OGDH: variants seen among roughly 807,000 people sequenced by gnomAD.
OGDH encodes 2-oxoglutarate dehydrogenase complex component E1.
In OGDH, 38 loss-of-function variants were observed where a neutral mutation model predicts 116.6. That is an observed-to-expected ratio of 0.33 (90% CI 0.25 to 0.43). The LOEUF is 0.43. Among genes scored for constraint, OGDH ranks in the 20% least tolerant of loss-of-function variants. OGDH has a pLI of 1.00. For missense variants in OGDH, 825 were observed against 1,357.2 expected, an observed-to-expected ratio of 0.61 and a Z score of 6.16; for synonymous variants, 488 against 533.3, an observed-to-expected ratio of 0.92 and a Z score of 1.17.
At chr7:44,633,563 C>T (rs3801398) in intron 2 of OGDH, among the ~76,000 whole-genome samples, 47,297 of 152,040 alleles carry the variant, frequency 0.31, 8,686 homozygotes, top group Non-Finnish European at 0.41. Context: ...TCCAAGACTC[C>T]CTTGGAGGGA....
intron 14 of OGDH, 101 bp from the exon 15 acceptor site, chr7:44,696,813 C>T (rs560060155): frequency 2.7e-5 from 38 of 1,399,806 alleles, no homozygotes; most frequent in African/African-American, 7.3e-5. Context: ...CCAGAAACTA[C>T]GAGTAAAGAA....
intron 1 of OGDH, among the ~76,000 whole-genome samples, chr7:44,608,407 CA>C (rs71011978): frequency 6.7e-6 from 1 of 150,088 alleles, no homozygotes; most frequent in Admixed American, 6.6e-5. Flanking sequence ...GATCCTGTCT[CA>C]AAAAAAAAGG....
In OGDH at chr7:44,703,597, G is replaced by A. The variant is rs147704234; in HGVS notation, c.2632+1982G>A. On this transcript the variant is annotated intron_variant, in intron 20 of 22. Coordinates refer to ENST00000222673, the MANE Select transcript of OGDH (RefSeq NM_002541.4). ...TAGCTGGGCATGGTGGCGCGCACCC[G>A]TAATCCCAGCTACTCAGGATGCTGA... is the stretch of plus-strand genomic sequence containing the variant. Among the ~76,000 whole-genome samples, 28 of 151,982 alleles carry A rather than the reference G, an allele frequency of 1.8e-4. No homozygotes were observed. The East Asian group carries it at 4.6e-3, about 25-fold the overall frequency.
chr7:44,666,079 A>G (rs1017637519), intron 4 of OGDH, among the ~76,000 whole-genome samples: 6 of 152,164 alleles, frequency 3.9e-5, no homozygotes, highest in African/African-American at 1.4e-4. Context: ...TGCCTGCAGA[A>G]TGGGCTCAGA....
rs1179317065 is a variant in OGDH, at chr7:44,693,816, T to A, written c.1336-9T>A. ...GGTGCCCTCTTGCTAGGCTACATGT[T>A]CCTTGCAGATCGGCTTCACCACCGA... is the stretch of plus-strand genomic sequence containing the variant. On this transcript the variant is annotated splice_polypyrimidine_tract_variant and intron_variant, in intron 10 of 22. Coordinates refer to ENST00000222673, the MANE Select transcript of OGDH (RefSeq NM_002541.4). The A allele has an allele frequency of 6.3e-7, 1 of 1,574,880 alleles. No homozygotes were observed. Among genetic ancestry groups the A allele is most frequent in the East Asian group, 2.3e-5 (1 of 44,018 alleles).
At chr7:44,619,310 T>C (rs1211495860) in intron 1 of OGDH, among the ~76,000 whole-genome samples, 2 of 152,182 alleles carry the variant, frequency 1.3e-5, no homozygotes, top group Non-Finnish European at 2.9e-5. Flanking sequence ...GGGCTTGCGA[T>C]TGACATCGGA....
In OGDH at chr7:44,696,976, C is replaced by T. The variant is rs1166143389; in HGVS notation, c.1963C>T (p.Leu655=). ...MVKNRTVDWA[L]AEYMAFGSLL... Reference sequence around the variant, plus strand: ...GAAGAACCGGACTGTGGACTGGGCTCTAGCGGAGTACATGGCGTTTGGCTC... The same window carrying T: ...GAAGAACCGGACTGTGGACTGGGCTTTAGCGGAGTACATGGCGTTTGGCTC... Residue 655 remains leucine, a synonymous_variant, in exon 15 of 23, where the codon CTA becomes TTA. Transcript: ENST00000222673. The T allele has an allele frequency of 6.2e-7, 1 of 1,614,120 alleles. No individual in the cohort carries two copies. The highest frequency in any genetic ancestry group is 8.5e-7 in the Non-Finnish European group (1 of 1,180,050).
chr7:44,681,655 C>G, intron 9 of OGDH, 65 bp from the exon 10 acceptor site: 3 of 1,551,502 alleles, frequency 1.9e-6, no homozygotes, highest in Non-Finnish European at 8.7e-7. Flanking sequence ...TGCATTTCCT[C>G]TGTTTACCTT....
chr7:44,626,823 T>G (rs1333830299), intron 2 of OGDH, among the ~76,000 whole-genome samples: 1 of 152,070 alleles, frequency 6.6e-6, no homozygotes, highest in Non-Finnish European at 1.5e-5. Context: ...CCTCCCTGCT[T>G]GTAGAGGGGA....
chr7:44,675,397 T>C, intron 8 of OGDH, 129 bp downstream of exon 8: 1 of 778,832 alleles, frequency 1.3e-6, no homozygotes, highest in Non-Finnish European at 2.2e-6. Context: ...GCCTTCCTTG[T>C]TGGGAGAATT....
In OGDH at chr7:44,644,283, G is replaced by C. The variant is rs112021761; in HGVS notation, c.223-1044G>C. 2.6e-4 allele frequency among the ~76,000 whole-genome samples: 39 copies of C among 152,302 alleles called. 1 individual carries two copies. Among genetic ancestry groups the C allele is most frequent in the African/African-American group, 9.1e-4 (38 of 41,560 alleles). ...ACTTTTGTGAAGTCTTAGTATGTCT[G>C]ATCTCTTAAATATTTTAAAAACTTG... On this transcript the variant is annotated intron_variant, in intron 2 of 22. Coordinates refer to ENST00000222673, the MANE Select transcript of OGDH (RefSeq NM_002541.4).
intron 4 of OGDH, among the ~76,000 whole-genome samples, chr7:44,661,162 G>A (rs977257558): frequency 1.3e-5 from 2 of 152,170 alleles, no homozygotes; most frequent in Non-Finnish European, 2.9e-5. Flanking sequence ...TCAGATTGCT[G>A]TATCTTCTCA....
At position 44,694,462 on chromosome 7, in the gene OGDH, G is replaced by A. The variant is rs1788494933; in HGVS notation, c.1554G>A (p.Glu518=). 6.2e-7 allele frequency: 1 copy of A among 1,613,990 alleles called. No homozygotes were observed. ...YRRNGHNEMD[E]PMFTQPLMYK... ...GCAACGGCCACAACGAGATGGATGAGCCCATGTTCACGCAGCCGCTCATGT... is the reference window on the plus strand; with the variant it reads ...GCAACGGCCACAACGAGATGGATGAACCCATGTTCACGCAGCCGCTCATGT... Residue 518 remains glutamate, a synonymous_variant, in exon 12 of 23, where the codon GAG becomes GAA. Transcript: ENST00000222673. This position sits in a 1 kb window ranked among gnomAD's most constrained non-coding sequence, Gnocchi z 4.2.
chr7:44,694,355 G>T lies in OGDH; in HGVS notation c.1516-69G>T. ...CCATCACCTAGGAGAGATGGGGCAG[G>T]TGCCTGAACAGCACTTCTTCCCAAG... On this transcript the variant is annotated intron_variant, in intron 11 of 22. Transcript: ENST00000222673. The surrounding 1 kb of genome is among the most constrained non-coding windows in gnomAD (Gnocchi z 4.2). The T allele has an allele frequency of 6.3e-7, 1 of 1,578,720 alleles. No homozygotes were observed.
chr7:44,629,575 C>CTTTTTTTTTTTTT (rs1037295168), intron 2 of OGDH, among the ~76,000 whole-genome samples: 31 of 134,406 alleles, frequency 2.3e-4, no homozygotes, highest in East Asian at 1.4e-3. Context: ...TTTTCTTTTT[C>CTTTTTTTTTTTTT]TTTTCTTTTT....
chr7:44,688,426 A>G (rs1788225051), intron 10 of OGDH, among the ~76,000 whole-genome samples: 1 of 124,066 alleles, frequency 8.1e-6, no homozygotes, highest in Admixed American at 1.1e-4. Flanking sequence ...AAGTGTTTAT[A>G]TATACTTTTT....
chr7:44,650,067 CAGGGAGTAGTCT>C (rs149108369), intron 4 of OGDH, among the ~76,000 whole-genome samples: 9,548 of 152,160 alleles, frequency 0.063, 373 homozygotes, highest in Middle Eastern at 0.095. Flanking sequence ...GAGAGAGAGT[CAGGGAGTAGTCT>C]CCACGTTTCA....
At chr7:44,676,277 C>G in intron 9 of OGDH, 128 bp downstream of exon 9, 2 of 1,544,218 alleles carry the variant, frequency 1.3e-6, no homozygotes, top group Non-Finnish European at 8.8e-7. Context: ...TAAAGTCGGC[C>G]GGGCGCAGTG....
intron 2 of OGDH, among the ~76,000 whole-genome samples, chr7:44,624,991 A>G (rs987471700): frequency 2.0e-5 from 3 of 152,078 alleles, no homozygotes; most frequent in African/African-American, 7.2e-5. Flanking sequence ...ATGGCCTTTT[A>G]GCTCATTATG....
Sources: gnomAD v4.1 joint callset for allele counts (sites outside exome capture counted in the v4.1 genomes callset) on GRCh38, gnomAD v4.1.1 for gene constraint, Gnocchi (gnomAD v3.1) non-coding constraint, MANE v1.5 for transcripts, NCBI Gene and HGNC (gene_info 2026-07-23, HGNC 2026-07-21) for gene names.